DPH6: variants seen among roughly 807,000 people sequenced by gnomAD.
DPH6 encodes diphthamine biosynthesis 6.
Under a neutral mutation model 38.2 loss-of-function variants are expected in DPH6, and 33 were observed. The ratio of observed to expected loss-of-function variants is 0.86; its 90% CI spans 0.65 to 1.15. The LOEUF (loss-of-function observed/expected upper bound fraction) is 1.15, where lower values mean the gene tolerates loss of function less well. Among genes scored for constraint, DPH6 ranks in the 50% most tolerant of loss-of-function variants. The pLI is 0.00. For missense variants in DPH6, 325 were observed against 320.0 expected (o/e 1.02, Z -0.12); for synonymous variants, 108 against 103.0 (o/e 1.05, Z -0.30).
At chr15:35,508,941 C>T (rs2054731430) in intron 3 of DPH6, among the ~76,000 whole-genome samples, 1 of 152,144 alleles carries the variant, frequency 6.6e-6, no homozygotes, top group African/African-American at 2.4e-5. Flanking sequence ...TAAGGAATAT[C>T]TACTTCCTTT....
intron 5 of DPH6, among the ~76,000 whole-genome samples, chr15:35,411,361 T>G (rs772274512): frequency 1.3e-5 from 2 of 151,810 alleles, no homozygotes; most frequent in Non-Finnish European, 3.0e-5. Context: ...GTTATGCTTA[T>G]GTAATTAATT....
At chr15:35,512,594 C>T (rs2054790217) in intron 3 of DPH6, among the ~76,000 whole-genome samples, 1 of 151,942 alleles carries the variant, frequency 6.6e-6, no homozygotes, top group Non-Finnish European at 1.5e-5. Context: ...CTGAATTGCC[C>T]TAACATATAT....
chr15:35,362,362 C>T (rs2052621481), intron 3 of DPH6, among the ~76,000 whole-genome samples: 1 of 152,100 alleles, frequency 6.6e-6, no homozygotes. Flanking sequence ...GTCAGCACTC[C>T]AAGTCAGGAG....
chr15:35,238,266 C>CAA, intron 3 of DPH6: 4 of 425,868 alleles, frequency 9.4e-6, no homozygotes, highest in East Asian at 8.4e-5. Context: ...ATTTTTACTG[C>CAA]CAAAAAAAAA....
downstream of DPH6, among the ~76,000 whole-genome samples, chr15:35,328,660 T>C (rs1225825269): frequency 6.6e-6 from 1 of 152,196 alleles, no homozygotes; most frequent in African/African-American, 2.4e-5. Context: ...AGAAGAATCC[T>C]TGTCACAATT....
At chr15:35,225,521 G>T (rs996315186) in intron 3 of DPH6, among the ~76,000 whole-genome samples, 1 of 152,156 alleles carries the variant, frequency 6.6e-6, no homozygotes. Flanking sequence ...TTGGAGACGT[G>T]TTCAGGATGG....
chr15:35,311,950 A>G (rs1048188140), intron 3 of DPH6, among the ~76,000 whole-genome samples: 2 of 148,848 alleles, frequency 1.3e-5, no homozygotes, highest in African/African-American at 4.9e-5. Context: ...TAATCTTATG[A>G]CTATCCAAAC....
intron 3 of DPH6, among the ~76,000 whole-genome samples, chr15:35,225,488 T>C (rs1188449663): frequency 3.3e-5 from 5 of 152,350 alleles, no homozygotes; most frequent in Non-Finnish European, 5.9e-5. Flanking sequence ...ATTTTGTTGC[T>C]AAAATTGTTA....
chr15:35,296,003 G>C lies in DPH6; in HGVS notation n.201-75421C>G, dbSNP rs141876012. Among the ~76,000 whole-genome samples the C allele has an allele frequency of 8.3e-3, 1,253 of 151,670 alleles. 20 individuals carry two copies. The highest frequency in any genetic ancestry group is 0.028 in the African/African-American group (1,170 of 41,362). ...CAGGCAGGCTGGAGTGCAGTGGCGC[G>C]ATCTCTGTTCACTGCAAACTCTGCC... On this transcript the variant is annotated intron_variant and non_coding_transcript_variant, in intron 3 of 3. Transcript: ENST00000560386.
chr15:35,245,835 A>C (rs1375284968), intron 3 of DPH6, among the ~76,000 whole-genome samples: 1 of 152,216 alleles, frequency 6.6e-6, no homozygotes, highest in Non-Finnish European at 1.5e-5. Context: ...TTAGAGAAGA[A>C]GGCTTAAGGA....
chr15:35,172,939 G>C, the DPH6 span, among the ~76,000 whole-genome samples: 1 of 152,134 alleles, frequency 6.6e-6, no homozygotes, highest in African/African-American at 2.4e-5. Context: ...ATAGGTGTTA[G>C]CCACCATGTC....
intron 3 of DPH6, among the ~76,000 whole-genome samples, chr15:35,282,026 T>C (rs1009647903): frequency 2.0e-5 from 3 of 152,082 alleles, no homozygotes; most frequent in African/African-American, 4.8e-5. Context: ...TTCAAGAATA[T>C]AATATTATTC....
chr15:35,299,225 A>G, intron 3 of DPH6: 1 of 1,224,354 alleles, frequency 8.2e-7, no homozygotes, highest in Non-Finnish European at 1.2e-6. Context: ...CAGCTGGCAC[A>G]TGCGGTGGTG....
chr15:35,322,407 G>A (rs1033055088), intron 3 of DPH6, among the ~76,000 whole-genome samples: 2 of 152,150 alleles, frequency 1.3e-5, no homozygotes, highest in African/African-American at 2.4e-5. Flanking sequence ...CTTGGCCTTC[G>A]CCTAGGAATG....
At chr15:35,524,068 G>A (rs2054963288) in intron 3 of DPH6, among the ~76,000 whole-genome samples, 1 of 150,704 alleles carries the variant, frequency 6.6e-6, no homozygotes, top group Non-Finnish European at 1.5e-5. Flanking sequence ...CTCAAACTGT[G>A]TTATAAACCA....
At chr15:35,479,873 G>A (rs959230653) in intron 3 of DPH6, among the ~76,000 whole-genome samples, 2 of 151,902 alleles carry the variant, frequency 1.3e-5, no homozygotes, top group South Asian at 2.1e-4. Context: ...ATTATCAAAA[G>A]CATTTCGATT....
intron 5 of DPH6, among the ~76,000 whole-genome samples, chr15:35,429,079 T>C (rs1298945085): frequency 6.6e-6 from 1 of 152,202 alleles, no homozygotes; most frequent in Non-Finnish European, 1.5e-5. Context: ...TACAGAATAC[T>C]GCCTTTTCCT....
At chr15:35,334,514 GC>G (rs1437249441) in intron 3 of DPH6, among the ~76,000 whole-genome samples, 1 of 151,914 alleles carries the variant, frequency 6.6e-6, no homozygotes, top group Non-Finnish European at 1.5e-5. Context: ...GGTATTAAGT[GC>G]AGCATCCATT....
chr15:35,404,127 T>C (rs932092243), intron 6 of DPH6, among the ~76,000 whole-genome samples: 2 of 152,154 alleles, frequency 1.3e-5, no homozygotes, highest in Non-Finnish European at 2.9e-5. Flanking sequence ...CATTCATATG[T>C]TGATGGACAC....
Sources: gnomAD v4.1 joint callset for allele counts (sites outside exome capture counted in the v4.1 genomes callset) on GRCh38, gnomAD v4.1.1 for gene constraint, MANE v1.5 for transcripts, NCBI Gene and HGNC (gene_info 2026-07-23, HGNC 2026-07-21) for gene names.